The following TRAK1 variants were observed in gnomAD, a reference collection of about 807,000 sequenced individuals.
The protein encoded by TRAK1 is trafficking kinesin protein 1.
A neutral mutation model predicts 92.1 loss-of-function variants in TRAK1; 33 were observed. The ratio of observed to expected loss-of-function variants is 0.36; its 90% CI spans 0.27 to 0.48. The LOEUF is 0.48. Among genes scored for constraint, TRAK1 ranks in the 20% least tolerant of loss-of-function variants. The pLI is 0.99. For missense variants in TRAK1, 1,123 were observed against 1,257.9 expected (o/e 0.89, Z 1.62); for synonymous variants, 521 against 517.3 (o/e 1.01, Z -0.10).
Position 42,202,970 on chromosome 3 carries a change from C to T in TRAK1, c.1744+218C>T, listed in dbSNP as rs1707854630. 2 of 1,344,920 alleles carry T rather than the reference C, an allele frequency of 1.5e-6. No homozygotes were observed. The highest frequency in any genetic ancestry group is 3.0e-5 in the African/African-American group (2 of 67,726). The allele number at this position is 1,344,920 out of a possible 1,614,324, so 83.3% of individuals were successfully genotyped here. On this transcript the variant is annotated intron_variant, in intron 13 of 15. Transcript: ENST00000327628. The surrounding 1 kb of genome is among the most constrained non-coding windows in gnomAD (Gnocchi z 6.1). Reference sequence around the variant, plus strand: ...CAGGTGTGACAATGCACACATAGGCCATGAAACTCGCCGAGGAAAGACAAG... The same window carrying T: ...CAGGTGTGACAATGCACACATAGGCTATGAAACTCGCCGAGGAAAGACAAG...
At chr3:42,192,618 C>T (rs1038058687) in intron 7 of TRAK1, among the ~76,000 whole-genome samples, 3 of 152,168 alleles carry the variant, frequency 2.0e-5, no homozygotes, top group African/African-American at 7.2e-5. Flanking sequence ...GTTGAAAACT[C>T]CAAGGAAATT....
At chr3:42,072,569 T>TC (rs11441208) in intron 1 of TRAK1, among the ~76,000 whole-genome samples, 73,813 of 146,368 alleles carry the variant, frequency 0.5, 19,793 homozygotes, top group South Asian at 0.67. Flanking sequence ...TTTTTTTCTT[T>TC]CTCTTTTTCT....
intron 3 of TRAK1, among the ~76,000 whole-genome samples, chr3:42,179,676 C>T (rs1426989538): frequency 6.6e-6 from 1 of 152,122 alleles, no homozygotes; most frequent in Non-Finnish European, 1.5e-5. Context: ...TAAAAAGGGG[C>T]TGAGACTCAA....
At chr3:42,126,614 A>G (rs1710595736) in intron 2 of TRAK1, among the ~76,000 whole-genome samples, 1 of 152,218 alleles carries the variant, frequency 6.6e-6, no homozygotes, top group African/African-American at 2.4e-5. Context: ...GCAGCCAACA[A>G]TTTACATATC....
At chr3:42,201,853 T>TGGACGGAC (rs10531282) in intron 12 of TRAK1, among the ~76,000 whole-genome samples, 10 of 128,004 alleles carry the variant, frequency 7.8e-5, no homozygotes, top group African/African-American at 2.9e-4. Flanking sequence ...CTGCAGAACC[T>TGGACGGAC]GGACGGACGG....
chr3:42,013,441 C>G (rs1293637333), upstream of TRAK1, among the ~76,000 whole-genome samples: 1 of 152,130 alleles, frequency 6.6e-6, no homozygotes, highest in Non-Finnish European at 1.5e-5. The surrounding 1 kb of genome is among the most constrained non-coding windows in gnomAD (Gnocchi z 5.1). Flanking sequence ...TTCTCTGTGC[C>G]CCACGGCGTG....
intron 2 of TRAK1, among the ~76,000 whole-genome samples, chr3:42,144,542 T>C (rs549135806): frequency 1.7e-4 from 26 of 152,334 alleles, no homozygotes; most frequent in African/African-American, 6.3e-4. Context: ...ATCTGTTATT[T>C]TTTACTTGTT....
upstream of TRAK1, among the ~76,000 whole-genome samples, chr3:42,088,579 C>A (rs1292259687): frequency 2.6e-5 from 4 of 152,222 alleles, no homozygotes; most frequent in African/African-American, 9.6e-5. Flanking sequence ...AGGCCAGTGT[C>A]TCTGCTCTTC....
intron 14 of TRAK1, chr3:42,210,604 T>A: frequency 9.7e-7 from 1 of 1,027,464 alleles, no homozygotes; most frequent in Non-Finnish European, 1.2e-6. Context: ...ACCTGTACGC[T>A]GTATTAAAAT....
intron 1 of TRAK1, among the ~76,000 whole-genome samples, chr3:42,102,938 AC>A (rs1270454853): frequency 6.6e-6 from 1 of 152,120 alleles, no homozygotes; most frequent in South Asian, 2.1e-4. Flanking sequence ...TCTTGTGGTT[AC>A]GTTTTTTCTT....
At chr3:42,182,292 ACT>A (rs1284804399) in intron 3 of TRAK1, among the ~76,000 whole-genome samples, 1 of 101,260 alleles carries the variant, frequency 9.9e-6, no homozygotes, top group Non-Finnish European at 1.9e-5. Flanking sequence ...GGGATTTGCA[ACT>A]CTCTCTTTTT....
At chr3:42,158,787 CAAAAAAAAA>C (rs149521969) in intron 2 of TRAK1, among the ~76,000 whole-genome samples, 3 of 69,536 alleles carry the variant, frequency 4.3e-5, no homozygotes, top group African/African-American at 1.4e-4. Context: ...ACAAAAAATA[CAAAAAAAAA>C]AAAAAAAAAA....
chr3:42,181,865 C>G (rs1326206829), intron 3 of TRAK1, among the ~76,000 whole-genome samples: 1 of 152,086 alleles, frequency 6.6e-6, no homozygotes, highest in Non-Finnish European at 1.5e-5. Flanking sequence ...TGCAGTCTCC[C>G]TCACACAGTT....
chr3:42,192,929 T>G, intron 7 of TRAK1, 146 bp from the exon 8 acceptor site: 1 of 1,118,886 alleles, frequency 8.9e-7, no homozygotes, highest in South Asian at 1.6e-5. Flanking sequence ...ATGGTCATTA[T>G]GAGTTCCTTC....
At chr3:42,171,745 C>T (rs1454518641) in intron 2 of TRAK1, among the ~76,000 whole-genome samples, 1 of 152,140 alleles carries the variant, frequency 6.6e-6, no homozygotes, top group East Asian at 1.9e-4. Flanking sequence ...CCTGAGCTTC[C>T]CACTGGCCAG....
In TRAK1 at chr3:42,194,766, C is replaced by T. The variant is rs753770039; in HGVS notation, c.976-38C>T. On this transcript the variant is annotated intron_variant, in intron 9 of 15. Transcript: ENST00000327628. ...GCAGATGTGTGTACACCTGGGTGCT[C>T]AGGAGATCCTGACCCTCTGTGTCTT... The T allele has an allele frequency of 8.1e-6, 13 of 1,608,196 alleles. No homozygotes were observed. In the East Asian group the frequency reaches 1.3e-4, roughly 17 times the overall value.
At position 42,188,150 on chromosome 3, in the gene TRAK1, G is replaced by A; in HGVS notation, c.581+5G>A. On this transcript the variant is annotated splice_donor_5th_base_variant and intron_variant, in intron 5 of 15. Coordinates refer to ENST00000327628, the MANE Select transcript of TRAK1 (RefSeq NM_001042646.3). ...CGAGTCCGTTTGCTCAACCCCGTAA[G>A]TCACCAGAGGGCTGTATTTCTGGAG... 6.2e-7 allele frequency: 1 copy of A among 1,613,966 alleles called. No homozygotes were observed. Among genetic ancestry groups the A allele is most frequent in the Non-Finnish European group, 8.5e-7 (1 of 1,179,888 alleles).
intron 1 of TRAK1, among the ~76,000 whole-genome samples, chr3:42,055,767 A>G (rs75415817): frequency 0.034 from 5,160 of 152,278 alleles, 304 homozygotes; most frequent in African/African-American, 0.12. Flanking sequence ...CCGGCCATCC[A>G]CAATAAATTT....
intron 1 of TRAK1, among the ~76,000 whole-genome samples, chr3:42,052,876 C>G (rs1703037461): frequency 6.6e-6 from 1 of 152,158 alleles, no homozygotes. Context: ...GTCCCCAGCT[C>G]TGAGAAAACT....
Sources: allele counts gnomAD v4.1 joint callset (sites outside exome capture counted in the v4.1 genomes callset), GRCh38; gene constraint gnomAD v4.1.1; non-coding constraint Gnocchi (gnomAD v3.1); transcripts MANE v1.5; gene names NCBI Gene and HGNC (gene_info 2026-07-23, HGNC 2026-07-21).